DENND2B: variants seen among roughly 807,000 people sequenced by gnomAD.
The protein encoded by DENND2B is DENN domain-containing protein 2B.
Under a neutral mutation model 116.0 loss-of-function variants are expected in DENND2B, and 32 were observed. The observed-to-expected ratio is 0.28, with a 90% CI of 0.21 to 0.37. The LOEUF (loss-of-function observed/expected upper bound fraction) is 0.37. Among genes scored for constraint, DENND2B ranks in the 10% least tolerant of loss-of-function variants. DENND2B has a pLI of 1.00. For missense variants in DENND2B, 1,276 were observed against 1,477.7 expected (o/e 0.86, Z 2.24); for synonymous variants, 588 against 583.9 (o/e 1.01, Z -0.10).
At chr11:8,837,658 T>C (rs965459214) in intron 4 of DENND2B, among the ~76,000 whole-genome samples, 5 of 152,140 alleles carry the variant, frequency 3.3e-5, no homozygotes. Flanking sequence ...TTCCCTTTAT[T>C]TCTTAGTTCT....
chr11:8,758,551 T>C (rs1318367048), intron 1 of DENND2B, among the ~76,000 whole-genome samples: 1 of 152,226 alleles, frequency 6.6e-6, no homozygotes, highest in Non-Finnish European at 1.5e-5. Flanking sequence ...AGCAAAAACA[T>C]GTCTCACTTG....
Position 8,699,458 on chromosome 11 carries a change from C to A in DENND2B, c.2721-68G>T. 3 of 1,477,106 alleles carry A rather than the reference C, an allele frequency of 2.0e-6. No homozygotes were observed. The South Asian group carries it at 3.9e-5, about 19-fold the overall frequency. 91.5% of individuals were successfully genotyped at this position (1,477,106 alleles called of 1,614,324 possible). A position where few individuals can be genotyped will look rare whatever the true frequency, so the allele number is the denominator to read the frequency against. On this transcript the variant is annotated intron_variant, in intron 14 of 19. Transcript: ENST00000313726. ...AGGAACTTAGAGCTCGCTGGAGGCT[C>A]AGGACAGCCTTTGATCGTAAACCTC...
At chr11:8,862,971 T>C (rs1165159926) in intron 2 of DENND2B, among the ~76,000 whole-genome samples, 1 of 152,126 alleles carries the variant, frequency 6.6e-6, no homozygotes, top group Non-Finnish European at 1.5e-5. Flanking sequence ...CTGCTAGATG[T>C]TATTTTGCCA....
chr11:8,868,197 G>T (rs971322934), intron 2 of DENND2B, among the ~76,000 whole-genome samples: 1 of 152,124 alleles, frequency 6.6e-6, no homozygotes. Context: ...CTCGCTGCAG[G>T]GTACAGTAAG....
Position 8,778,532 on chromosome 11 carries a change from A to T in DENND2B, c.-25-27807T>A, listed in dbSNP as rs555024198. ...TGTCTGTTGTTAGCAACAGAAACAAAGTACTTTAAGGCAGAAAAGGCAAGT... is the reference window on the plus strand; with the variant it reads ...TGTCTGTTGTTAGCAACAGAAACAATGTACTTTAAGGCAGAAAAGGCAAGT... On this transcript the variant is annotated intron_variant, in intron 1 of 19. Transcript: ENST00000313726. Among the ~76,000 whole-genome samples the T allele has an allele frequency of 8.9e-4, 135 of 152,338 alleles. 1 individual carries two copies. The highest frequency in any genetic ancestry group is 3.0e-3 in the African/African-American group (125 of 41,572).
At chr11:8,873,724 A>C (rs569944216), upstream of DENND2B, among the ~76,000 whole-genome samples, 26 of 152,376 alleles carry the variant, frequency 1.7e-4, no homozygotes, top group South Asian at 5.0e-3. Flanking sequence ...CTATCTGCCT[A>C]GCACAGTGCC....
At chr11:8,741,159 C>T (rs2050134415) in intron 2 of DENND2B, among the ~76,000 whole-genome samples, 1 of 152,206 alleles carries the variant, frequency 6.6e-6, no homozygotes, top group Non-Finnish European at 1.5e-5. Context: ...AGAGATTTTC[C>T]AGGTCCCTAC....
intron 2 of DENND2B, among the ~76,000 whole-genome samples, chr11:8,733,465 G>C (rs1046164903): frequency 1.3e-5 from 2 of 152,218 alleles, no homozygotes; most frequent in African/African-American, 4.8e-5. Context: ...CTAGGTGCTA[G>C]ATACAAGAAT....
At chr11:8,718,427 C>T (rs2045494931) in intron 4 of DENND2B, 1 of 1,524,484 alleles carries the variant, frequency 6.6e-7, no homozygotes, top group Admixed American at 2.0e-5. Flanking sequence ...CCCCTTCTCA[C>T]CTACGATGCC....
At chr11:8,778,638 A>G (rs1392843095) in intron 1 of DENND2B, among the ~76,000 whole-genome samples, 6 of 152,176 alleles carry the variant, frequency 3.9e-5, no homozygotes, top group East Asian at 3.9e-4. Context: ...CCAATCTACC[A>G]TGTGTGCCTA....
intron 3 of DENND2B, among the ~76,000 whole-genome samples, chr11:8,845,020 G>A (rs527565555): frequency 5.3e-5 from 8 of 152,156 alleles, no homozygotes; most frequent in Admixed American, 1.3e-4. Flanking sequence ...CAGATTACAG[G>A]TGTGAGCCAC....
intron 13 of DENND2B, among the ~76,000 whole-genome samples, chr11:8,704,938 G>T (rs1240712589): frequency 6.6e-6 from 1 of 152,046 alleles, no homozygotes; most frequent in African/African-American, 2.4e-5. Flanking sequence ...CTGACCTCAA[G>T]TGATCCCCCC....
chr11:8,713,522 C>T (rs1326256602), intron 8 of DENND2B, among the ~76,000 whole-genome samples: 2 of 152,046 alleles, frequency 1.3e-5, no homozygotes, highest in Non-Finnish European at 2.9e-5. Flanking sequence ...TGGTATTACA[C>T]GCGCCCGCCA....
At chr11:8,900,876 G>A (rs2064158865) in intron 1 of DENND2B, among the ~76,000 whole-genome samples, 1 of 152,048 alleles carries the variant, frequency 6.6e-6, no homozygotes, top group African/African-American at 2.4e-5. Flanking sequence ...AGCTGAGGCA[G>A]GAGAATCACT....
At chr11:8,816,340 G>A (rs1439884024) in intron 4 of DENND2B, among the ~76,000 whole-genome samples, 1 of 152,114 alleles carries the variant, frequency 6.6e-6, no homozygotes, top group Non-Finnish European at 1.5e-5. Flanking sequence ...GAGCCCAGGA[G>A]TTCAAGACTA....
chr11:8,699,388 G>A lies in DENND2B; in HGVS notation c.2723C>T (p.Thr908Ile), dbSNP rs749564868. Residue 908 changes from threonine (T) to isoleucine (I), a missense_variant and splice_region_variant, in exon 15 of 20, where the codon ACC becomes ATC. Thr to Ile is a moderately conservative substitution (Grantham distance 89). Coordinates refer to ENST00000313726, the MANE Select transcript of DENND2B (RefSeq NM_213618.2). ...RVIFVADKLS[T>I]LSSCSHAVVA... ...CACCGCGTGGGAGCAGCTGGAGAGG[G>A]TACTGATGGGCAGACAGAGAGACAG... 1.3e-6 allele frequency: 2 copies of A among 1,596,178 alleles called. No homozygotes were observed. Among genetic ancestry groups the A allele is most frequent in the East Asian group, 4.5e-5 (2 of 44,602 alleles).
rs2041986571 is a variant in DENND2B at position 8,702,987 on chromosome 11, T to C, written c.2572-267A>G. On this transcript the variant is annotated intron_variant, in intron 13 of 19. Transcript: ENST00000313726. This position sits in a 1 kb window ranked among gnomAD's most constrained non-coding sequence, Gnocchi z 4.6. ...AAGGAAGGAGTTGAGGGGCCATCCATCGGGACCTCAGGAAGAGAGGAGAGC... is the reference window on the plus strand; with the variant it reads ...AAGGAAGGAGTTGAGGGGCCATCCACCGGGACCTCAGGAAGAGAGGAGAGC... 2.2e-6 allele frequency: 1 copy of C among 460,926 alleles called. No homozygotes were observed. The highest frequency in any genetic ancestry group is 3.9e-5 in the East Asian group (1 of 25,508). 28.6% of individuals were successfully genotyped at this position (460,926 alleles called of 1,614,324 possible). A position where few individuals can be genotyped will look rare whatever the true frequency, so the allele number is the denominator to read the frequency against.
At chr11:8,847,062 G>C (rs1390141974) in intron 3 of DENND2B, among the ~76,000 whole-genome samples, 3 of 152,174 alleles carry the variant, frequency 2.0e-5, no homozygotes, top group Non-Finnish European at 4.4e-5. Context: ...TGAATTCTTG[G>C]GTCTTTCATA....
Position 8,822,942 on chromosome 11 carries a change from G to A in DENND2B, c.-114-11607C>T, listed in dbSNP as rs932080512. ...TAAAAAGTGGCAAGGACTCAGAGAA[G>A]GAAGTATTGATCCCTGGAGATTAAG... On this transcript the variant is annotated intron_variant, in intron 4 of 6. Coordinates refer to the DENND2B transcript ENST00000524757. 4.6e-5 allele frequency among the ~76,000 whole-genome samples: 7 copies of A among 152,288 alleles called. No homozygotes were observed. In the East Asian group the frequency reaches 7.7e-4, roughly 17 times the overall value.
Sources: allele counts gnomAD v4.1 joint callset (sites outside exome capture counted in the v4.1 genomes callset), GRCh38; gene constraint gnomAD v4.1.1; non-coding constraint Gnocchi (gnomAD v3.1); transcripts MANE v1.5; gene names NCBI Gene and HGNC (gene_info 2026-07-23, HGNC 2026-07-21).